Variants in CAMK1D observed in about 807,000 individuals in gnomAD.
The protein encoded by CAMK1D is calcium/calmodulin-dependent protein kinase type 1D.
Under a neutral mutation model 47.7 loss-of-function variants are expected in CAMK1D, and 9 were observed. The observed-to-expected ratio is 0.19, with a 90% CI of 0.11 to 0.33. The LOEUF is 0.33. Among genes scored for constraint, CAMK1D ranks in the 10% least tolerant of loss-of-function variants. CAMK1D has a pLI of 1.00. For synonymous variants in CAMK1D, 184 were observed against 184.9 expected (o/e 0.99, Z 0.04); for missense variants, 291 against 488.7 (o/e 0.60, Z 3.81).
At chr10:12,615,763 GGTGT>G (rs748444202) in intron 2 of CAMK1D, among the ~76,000 whole-genome samples, 15 of 150,896 alleles carry the variant, frequency 9.9e-5, no homozygotes, top group Middle Eastern at 3.5e-3. Flanking sequence ...TGTGTGCGTA[GGTGT>G]GTGTAAGTGC....
chr10:12,615,567 G>A (rs915245876), intron 2 of CAMK1D, among the ~76,000 whole-genome samples: 7 of 28,126 alleles, frequency 2.5e-4, no homozygotes, highest in East Asian at 4.2e-3. Context: ...TGTGTATATC[G>A]TGTGTGTGCG....
chr10:12,425,118 A>G (rs1410817904), intron 1 of CAMK1D, among the ~76,000 whole-genome samples: 1 of 151,958 alleles, frequency 6.6e-6, no homozygotes, highest in Non-Finnish European at 1.5e-5. Context: ...TCCAGCCTTG[A>G]CCACGTGGTC....
At chr10:12,639,344 G>C (rs1839603218) in intron 2 of CAMK1D, among the ~76,000 whole-genome samples, 2 of 152,182 alleles carry the variant, frequency 1.3e-5, no homozygotes, top group South Asian at 4.1e-4. Flanking sequence ...ACTTAGCCGG[G>C]CATGGTGGTG....
Position 12,547,682 on chromosome 10 carries a change from T to TCTCTCTCTCACACACACACACACACACA in CAMK1D, c.93-5542_93-5541insTCTCTCTCACACACACACACACACACAC, listed in dbSNP as rs10643491. 5.1e-4 allele frequency among the ~76,000 whole-genome samples: 59 copies of TCTCTCTCTCACACACACACACACACACA among 116,568 alleles called. 1 individual carries two copies. Among genetic ancestry groups the TCTCTCTCTCACACACACACACACACACA allele is most frequent in the African/African-American group, 1.8e-3 (49 of 26,914 alleles). 76.5% of individuals were successfully genotyped at this position (116,568 alleles called of 152,430 possible). On this transcript the variant is annotated intron_variant, in intron 1 of 10. Transcript: ENST00000619168. ...CACTCTCTCTCTCTCTTTCTCTCTCTCACACACACACACACACACCACTGT... is the reference window on the plus strand; with the variant it reads ...CACTCTCTCTCTCTCTTTCTCTCTCTCTCTCTCTCACACACACACACACACACACACACACACACACACACACCACTGT...
At chr10:12,478,455 C>T (rs1211224557) in intron 1 of CAMK1D, among the ~76,000 whole-genome samples, 1 of 152,076 alleles carries the variant, frequency 6.6e-6, no homozygotes, top group African/African-American at 2.4e-5. Context: ...ACATGTACCA[C>T]CATCCTGTCT....
At chr10:12,551,011 AG>A (rs961625701) in intron 1 of CAMK1D, among the ~76,000 whole-genome samples, 4 of 152,212 alleles carry the variant, frequency 2.6e-5, no homozygotes, top group Admixed American at 2.6e-4. Flanking sequence ...AGGAGGAGGA[AG>A]GGTGTTCCCC....
chr10:12,620,582 G>A (rs926790397), intron 2 of CAMK1D, among the ~76,000 whole-genome samples: 1 of 152,128 alleles, frequency 6.6e-6, no homozygotes, highest in Non-Finnish European at 1.5e-5. Context: ...GTGAAATGTC[G>A]CTTCATGTCT....
At chr10:12,566,821 A>G (rs1837139416) in intron 2 of CAMK1D, among the ~76,000 whole-genome samples, 1 of 152,204 alleles carries the variant, frequency 6.6e-6, no homozygotes, top group Non-Finnish European at 1.5e-5. Context: ...GCCAGATTCC[A>G]CAATGGGATA....
intron 1 of CAMK1D, among the ~76,000 whole-genome samples, chr10:12,420,534 T>C (rs547410928): frequency 1.1e-4 from 17 of 152,348 alleles, no homozygotes; most frequent in Admixed American, 7.2e-4. Context: ...TTTGGGACTT[T>C]TTGGTGGACA....
intron 1 of CAMK1D, among the ~76,000 whole-genome samples, chr10:12,450,492 T>A (rs1418752359): frequency 6.6e-6 from 1 of 152,218 alleles, no homozygotes; most frequent in Admixed American, 6.5e-5. Context: ...TCTAGCCAGG[T>A]GAAATGGAAA....
At chr10:12,593,427 C>T (rs368577201) in intron 2 of CAMK1D, among the ~76,000 whole-genome samples, 31 of 151,818 alleles carry the variant, frequency 2.0e-4, no homozygotes, top group African/African-American at 5.6e-4. Context: ...CTGTCTTTAC[C>T]GAAAATACAA....
intron 1 of CAMK1D, among the ~76,000 whole-genome samples, chr10:12,458,301 G>C (rs929811826): frequency 2.0e-5 from 3 of 152,198 alleles, no homozygotes; most frequent in African/African-American, 7.2e-5. Context: ...GGAAGAGAAG[G>C]CTCATGCGGC....
At chr10:12,585,837 T>G (rs1017184615) in intron 2 of CAMK1D, among the ~76,000 whole-genome samples, 2 of 152,226 alleles carry the variant, frequency 1.3e-5, no homozygotes, top group Non-Finnish European at 2.9e-5. Context: ...TTCAGTGACC[T>G]GCCATCTCGA....
intron 2 of CAMK1D, among the ~76,000 whole-genome samples, chr10:12,577,118 CTG>C (rs1407210317): frequency 6.6e-6 from 1 of 152,236 alleles, no homozygotes; most frequent in Admixed American, 6.5e-5. Flanking sequence ...CACCTTGACT[CTG>C]TATGCTGAAG....
intron 2 of CAMK1D, among the ~76,000 whole-genome samples, chr10:12,590,844 C>T (rs934256342): frequency 7.2e-5 from 11 of 152,156 alleles, no homozygotes; most frequent in Admixed American, 7.2e-4. Context: ...AAGTGACTTG[C>T]CCAAGGTGGA....
chr10:12,577,341 C>T (rs1837522030), intron 2 of CAMK1D, among the ~76,000 whole-genome samples: 1 of 152,216 alleles, frequency 6.6e-6, no homozygotes, highest in Non-Finnish European at 1.5e-5. Flanking sequence ...TAACACCTGC[C>T]ACCTCCAGTT....
intron 3 of CAMK1D, among the ~76,000 whole-genome samples, chr10:12,726,994 G>A (rs1293758042): frequency 1.3e-5 from 2 of 152,348 alleles, no homozygotes; most frequent in East Asian, 3.9e-4. Context: ...CCTACGGCAC[G>A]CCATGCCCGT....
intron 4 of CAMK1D, 99 bp from the exon 5 acceptor site, chr10:12,769,574 T>A (rs191433617): frequency 7.3e-7 from 1 of 1,371,004 alleles, no homozygotes; most frequent in African/African-American, 1.4e-5. Context: ...GTCAAGGACG[T>A]CCTGACGTTG....
intron 5 of CAMK1D, among the ~76,000 whole-genome samples, chr10:12,779,346 A>G (rs1404339189): frequency 1.3e-5 from 2 of 152,238 alleles, no homozygotes; most frequent in African/African-American, 2.4e-5. Context: ...ATCAGTAGGA[A>G]GTGACAGAAA....
Sources: gnomAD v4.1 joint callset for allele counts (sites outside exome capture counted in the v4.1 genomes callset) on GRCh38, gnomAD v4.1.1 for gene constraint, MANE v1.5 for transcripts, NCBI Gene and HGNC (gene_info 2026-07-23, HGNC 2026-07-21) for gene names.